The following DMD variants were observed in gnomAD, a reference collection of about 807,000 sequenced individuals.
The protein encoded by DMD is dystrophin.
A neutral mutation model predicts 330.1 loss-of-function variants in DMD; 63 were observed. The observed-to-expected ratio is 0.19, with a 90% CI of 0.16 to 0.24. The LOEUF (loss-of-function observed/expected upper bound fraction) is 0.24, where lower values mean the gene tolerates loss of function less well. DMD is among the 10% of genes least tolerant of loss of function. The pLI is 1.00. For missense variants in DMD, 3,344 were observed against 2,684.1 expected (o/e 1.25, Z -5.43); for synonymous variants, 1,223 against 959.8 (o/e 1.27, Z -5.07).
At chrX:32,514,678 T>C (rs2045681671) in intron 18 of DMD, among the ~76,000 whole-genome samples, 1 of 112,417 alleles carries the variant, frequency 8.9e-6, no homozygotes. Context: ...GAGGCAGAGC[T>C]TGCAGTGAGC....
intron 1 of DMD, among the ~76,000 whole-genome samples, chrX:33,295,120 T>C (rs1157123263): frequency 9.0e-6 from 1 of 111,720 alleles, no homozygotes; most frequent in Non-Finnish European, 1.9e-5. Flanking sequence ...TAGCCCTTGT[T>C]AAAATTAAAT....
chrX:33,049,282 T>C (rs2094428674), intron 1 of DMD, among the ~76,000 whole-genome samples: 1 of 111,790 alleles, frequency 8.9e-6, no homozygotes, highest in Non-Finnish European at 1.9e-5. Flanking sequence ...TAGGTTTGTA[T>C]CCCTCGACGT....
At chrX:32,253,637 T>C (rs979587153) in intron 43 of DMD, among the ~76,000 whole-genome samples, 8 of 107,490 alleles carry the variant, frequency 7.4e-5, no homozygotes, top group Non-Finnish European at 1.9e-5. Context: ...TTTTTTTTTT[T>C]TTTTGAGATG....
intron 2 of DMD, among the ~76,000 whole-genome samples, chrX:32,860,685 A>T (rs1476408038): frequency 3.6e-5 from 4 of 111,036 alleles, no homozygotes; most frequent in African/African-American, 1.3e-4. Context: ...TCTTAAGTGT[A>T]CAGCTCAATG....
chrX:31,795,004 C>T (rs944345742), intron 50 of DMD, among the ~76,000 whole-genome samples: 2 of 112,071 alleles, frequency 1.8e-5, no homozygotes, highest in Non-Finnish European at 3.8e-5. Flanking sequence ...CAAATATTAA[C>T]TGGGTACCTT....
intron 11 of DMD, among the ~76,000 whole-genome samples, chrX:32,629,855 CTATTTA>C (rs1471730701): frequency 9.3e-6 from 1 of 107,882 alleles, no homozygotes; most frequent in Admixed American, 9.9e-5. Context: ...TTTGTTGTTT[CTATTTA>C]TATCTTATTA....
At chrX:32,880,598 T>A (rs889168847) in intron 2 of DMD, among the ~76,000 whole-genome samples, 4 of 112,625 alleles carry the variant, frequency 3.6e-5, no homozygotes, top group Non-Finnish European at 7.5e-5. Flanking sequence ...ATATGCCATC[T>A]CTTAACTACA....
At chrX:32,478,823 T>C (rs1038954912) in intron 21 of DMD, among the ~76,000 whole-genome samples, 31 of 111,646 alleles carry the variant, frequency 2.8e-4, no homozygotes, top group Non-Finnish European at 5.7e-4. Flanking sequence ...TGGTGTGGTC[T>C]GACATGAGTG....
intron 2 of DMD, among the ~76,000 whole-genome samples, chrX:32,971,966 G>A (rs920643627): frequency 4.5e-5 from 5 of 111,103 alleles, no homozygotes; most frequent in Non-Finnish European, 9.4e-5. Flanking sequence ...AAATATTTGC[G>A]AGTAGATAAG....
At chrX:32,513,406 A>AC (rs1250522415) in intron 18 of DMD, among the ~76,000 whole-genome samples, 1 of 112,736 alleles carries the variant, frequency 8.9e-6, no homozygotes, top group African/African-American at 3.2e-5. Context: ...AAGACCAGCT[A>AC]CAGGATTGTC....
intron 55 of DMD, among the ~76,000 whole-genome samples, chrX:31,579,717 A>G (rs1303052339): frequency 3.6e-5 from 4 of 112,609 alleles, no homozygotes; most frequent in Non-Finnish European, 7.5e-5. Context: ...AAATAATAGT[A>G]TATGTGTTAT....
chrX:32,685,451 T>A (rs1339400658), intron 9 of DMD, among the ~76,000 whole-genome samples: 2 of 111,876 alleles, frequency 1.8e-5, no homozygotes, highest in Non-Finnish European at 3.8e-5. Context: ...ATAATGCTAA[T>A]CTTTCAGCCA....
chrX:32,623,459 T>C (rs1050307459), intron 11 of DMD, among the ~76,000 whole-genome samples: 1 of 111,185 alleles, frequency 9.0e-6, no homozygotes, highest in Non-Finnish European at 1.9e-5. Context: ...AGTTGTAAAA[T>C]ACACTGGCTA....
chrX:32,394,781 A>G (rs1214276251), intron 30 of DMD, among the ~76,000 whole-genome samples: 2 of 109,496 alleles, frequency 1.8e-5, no homozygotes, highest in African/African-American at 3.3e-5. Context: ...ATCTGTAATC[A>G]TATCTGTGTA....
At chrX:33,053,728 A>G (rs1225161966) in intron 1 of DMD, among the ~76,000 whole-genome samples, 1 of 112,290 alleles carries the variant, frequency 8.9e-6, no homozygotes, top group African/African-American at 3.2e-5. Flanking sequence ...CATCACCTAA[A>G]TGATAAACTG....
intron 48 of DMD, among the ~76,000 whole-genome samples, chrX:31,860,570 T>G (rs1371274602): frequency 8.9e-6 from 1 of 112,296 alleles, no homozygotes; most frequent in African/African-American, 3.2e-5. Context: ...CTAATACAAC[T>G]GGCAAGTCAA....
At chrX:31,935,916 A>T (rs5927053) in intron 45 of DMD, among the ~76,000 whole-genome samples, 42,766 of 109,982 alleles carry the variant, frequency 0.39, 6,736 homozygotes, top group African/African-American at 0.6. Context: ...ATTATTTACT[A>T]GCATATTTTT....
rs1214971151 is a variant in DMD at position 32,849,794 on chromosome X, G to A, written c.120C>T (p.Leu40=). The A allele has an allele frequency of 8.3e-7, 1 of 1,205,883 alleles. No homozygotes were observed. ...GCCTCCCATCCTGTAGGTCACTGAA[G>A]AGGTTCTCAATATGCTGCTTCCCAA... ...SKFGKQHIEN[L]FSDLQDGRRL... The change falls in exon 3 of 79, where the codon CTC becomes CTT. Residue 40 remains leucine, a synonymous_variant. Coordinates refer to ENST00000357033, the MANE Select transcript of DMD (RefSeq NM_004006.3).
intron 43 of DMD, among the ~76,000 whole-genome samples, chrX:32,217,832 C>T (rs181061913): frequency 3.6e-5 from 4 of 111,362 alleles, no homozygotes; most frequent in African/African-American, 6.5e-5. Flanking sequence ...ATCAATAATT[C>T]GTCACTATCA....
Sources: allele counts gnomAD v4.1 joint callset (sites outside exome capture counted in the v4.1 genomes callset), GRCh38; gene constraint gnomAD v4.1.1; transcripts MANE v1.5; gene names NCBI Gene and HGNC (gene_info 2026-07-23, HGNC 2026-07-21).